Variants in DECR1 observed in about 807,000 individuals in gnomAD.
The protein encoded by DECR1 is 2,4-dienoyl-CoA reductase [(3E)-enoyl-CoA-producing], mitochondrial.
DECR1 carries 44 observed loss-of-function variants against 38.8 expected under a neutral mutation model. The observed-to-expected ratio is 1.13, with a 90% confidence interval of 0.89 to 1.46. The LOEUF (loss-of-function observed/expected upper bound fraction) is 1.46, where lower values mean the gene tolerates loss of function less well. Among genes scored for constraint, DECR1 ranks in the 40% most tolerant of loss-of-function variants. The pLI, the probability that DECR1 is intolerant of heterozygous loss-of-function variation, is 0.00. For missense variants in DECR1, 428 were observed against 405.5 expected (o/e 1.06, Z -0.48); for synonymous variants, 148 against 135.2 (o/e 1.09, Z -0.66).
At chr8:90,031,969 C>G (rs1029114946) in intron 5 of DECR1, among the ~76,000 whole-genome samples, 1 of 152,114 alleles carries the variant, frequency 6.6e-6, no homozygotes, top group East Asian at 1.9e-4. Context: ...ATACTAGTCC[C>G]CCATTGTGGG....
In DECR1 at chr8:90,021,022, A is replaced by G; in HGVS notation, c.531A>G (p.Leu177=). The change falls in exon 5 of 10, where the codon CTA becomes CTG. Residue 177 remains leucine, a synonymous_variant. Transcript: ENST00000220764. ...IVLNGTAFVT[L]EIGKQLIKAQ... ...TAAATGGCACAGCCTTCGTGACACTAGAAATTGGAAAACAACTAATTAAAG... is the reference window on the plus strand; with the variant it reads ...TAAATGGCACAGCCTTCGTGACACTGGAAATTGGAAAACAACTAATTAAAG... 1 of 1,591,780 alleles carries G rather than the reference A, an allele frequency of 6.3e-7. No homozygotes were observed. The highest frequency in any genetic ancestry group is 8.5e-7 in the Non-Finnish European group (1 of 1,173,154).
chr8:90,050,359 C>T (rs2130185373), intron 8 of DECR1, among the ~76,000 whole-genome samples: 1 of 152,268 alleles, frequency 6.6e-6, no homozygotes, highest in African/African-American at 2.4e-5. Flanking sequence ...ACAAAGTGGG[C>T]AAAGTGTATG....
chr8:90,013,399 GTTTTTTTTTTT>G (rs57505716), intron 1 of DECR1, among the ~76,000 whole-genome samples: 10 of 77,984 alleles, frequency 1.3e-4, no homozygotes, highest in South Asian at 1.2e-3. Context: ...CTCTTCTTTC[GTTTTTTTTTTT>G]TTTTTTTTTT....
chr8:90,048,102 C>T (rs981984600), intron 8 of DECR1, among the ~76,000 whole-genome samples: 4 of 152,056 alleles, frequency 2.6e-5, no homozygotes, highest in Admixed American at 1.3e-4. Context: ...AAAATGGGCA[C>T]CCTAACATCA....
chr8:90,035,021 A>T (rs1397821370), intron 5 of DECR1, among the ~76,000 whole-genome samples: 1 of 152,160 alleles, frequency 6.6e-6, no homozygotes, highest in Non-Finnish European at 1.5e-5. Flanking sequence ...ATCTTTCAAC[A>T]CCTTAAAAAT....
intron 1 of DECR1, among the ~76,000 whole-genome samples, chr8:90,009,821 C>T (rs918753888): frequency 2.0e-5 from 3 of 152,178 alleles, no homozygotes; most frequent in Non-Finnish European, 1.5e-5. Flanking sequence ...CCTCTTAGGT[C>T]TGTGATTTCA....
At chr8:90,001,596 GGC>G (rs1335642957) in intron 1 of DECR1, 35 bp downstream of exon 1, 2 of 1,594,432 alleles carry the variant, frequency 1.3e-6, no homozygotes, top group Non-Finnish European at 1.7e-6. Context: ...GCGAGGACAG[GGC>G]GTCTCGACGC....
intron 4 of DECR1, 73 bp from the exon 5 acceptor site, chr8:90,020,836 A>G: frequency 1.6e-6 from 2 of 1,269,112 alleles, no homozygotes; most frequent in Non-Finnish European, 2.1e-6. Context: ...AATACATTTC[A>G]GAAAAAAAAC....
At chr8:90,042,152 A>T (rs1480416697) in intron 6 of DECR1, among the ~76,000 whole-genome samples, 1 of 152,160 alleles carries the variant, frequency 6.6e-6, no homozygotes, top group East Asian at 1.9e-4. Context: ...CAACAATTAT[A>T]TTAAAGCCTA....
intron 5 of DECR1, among the ~76,000 whole-genome samples, chr8:90,028,708 C>T (rs927016098): frequency 6.6e-6 from 1 of 150,696 alleles, no homozygotes; most frequent in Non-Finnish European, 1.5e-5. Flanking sequence ...TCCTTCCCTT[C>T]CTTCCTCCCT....
chr8:90,045,830 G>A (rs985934013), intron 8 of DECR1, among the ~76,000 whole-genome samples: 8 of 152,108 alleles, frequency 5.3e-5, no homozygotes, highest in Admixed American at 2.6e-4. Context: ...CCTCTGAGAC[G>A]AAGCTTCCAG....
chr8:90,042,122 A>C (rs1021003856), intron 6 of DECR1, among the ~76,000 whole-genome samples: 4 of 152,074 alleles, frequency 2.6e-5, no homozygotes, highest in African/African-American at 7.2e-5. Flanking sequence ...TTAGATTCCT[A>C]TTTCCTTTCA....
intron 6 of DECR1, among the ~76,000 whole-genome samples, chr8:90,041,907 A>G (rs1448611412): frequency 6.6e-6 from 1 of 151,944 alleles, no homozygotes; most frequent in African/African-American, 2.4e-5. Context: ...TTTGCATTAT[A>G]TGAATTCTTT....
At chr8:90,028,519 T>A (rs560738279) in intron 5 of DECR1, among the ~76,000 whole-genome samples, 41 of 152,116 alleles carry the variant, frequency 2.7e-4, no homozygotes, top group African/African-American at 9.9e-4. Flanking sequence ...GAATTCCTTA[T>A]ACCTAAGAAC....
At chr8:90,033,251 T>C (rs1215162975) in intron 5 of DECR1, among the ~76,000 whole-genome samples, 1 of 152,228 alleles carries the variant, frequency 6.6e-6, no homozygotes, top group Non-Finnish European at 1.5e-5. Context: ...GCTTTTTTGA[T>C]AGATAATATG....
At chr8:90,043,332 A>G (rs1214141692) in intron 7 of DECR1, among the ~76,000 whole-genome samples, 17 of 152,166 alleles carry the variant, frequency 1.1e-4, no homozygotes, top group Admixed American at 9.8e-4. Flanking sequence ...TCTGATTATA[A>G]GTCCTTCTGA....
In DECR1 at chr8:90,053,514, C is replaced by G. The variant is rs1479718111; in HGVS notation, c.*1617C>G. On this transcript the variant is annotated 3_prime_UTR_variant, in exon 10 of 10. Transcript: ENST00000220764. ...ACCTTCCCACCCACCTCTCACCAAACACACAAAGACACACTCTTTCCCTCC... is the reference window on the plus strand; with the variant it reads ...ACCTTCCCACCCACCTCTCACCAAAGACACAAAGACACACTCTTTCCCTCC... Among the ~76,000 whole-genome samples the G allele has an allele frequency of 6.6e-6, 1 of 152,060 alleles. No individual in the cohort carries two copies. The highest frequency in any genetic ancestry group is 1.5e-5 in the Non-Finnish European group (1 of 68,006).
At chr8:90,042,454 A>C (rs1013883011) in intron 6 of DECR1, 1 of 394,224 alleles carries the variant, frequency 2.5e-6, no homozygotes, top group Non-Finnish European at 4.6e-6. Flanking sequence ...AGGACACTAA[A>C]ATGTAAAGGT....
At chr8:90,034,428 T>G (rs1813569531) in intron 5 of DECR1, among the ~76,000 whole-genome samples, 1 of 151,534 alleles carries the variant, frequency 6.6e-6, no homozygotes, top group Admixed American at 6.6e-5. Context: ...CTTTATTTGT[T>G]TATTTATTTA....
Sources: gnomAD v4.1 joint callset for allele counts (sites outside exome capture counted in the v4.1 genomes callset) on GRCh38, gnomAD v4.1.1 for gene constraint, MANE v1.5 for transcripts, NCBI Gene and HGNC (gene_info 2026-07-23, HGNC 2026-07-21) for gene names.